MBNL3: variants seen among roughly 807,000 people sequenced by gnomAD.
MBNL3 encodes muscleblind like splicing regulator 3, also known as muscleblind-like protein 3.
MBNL3 carries 6 observed loss-of-function variants against 24.5 expected under a neutral mutation model. The ratio of observed to expected loss-of-function variants is 0.25; its 90% CI spans 0.13 to 0.48. The LOEUF (loss-of-function observed/expected upper bound fraction) is 0.48, where lower values mean the gene tolerates loss of function less well. Ranked by LOEUF, MBNL3 falls within the 20% of genes least tolerant of loss-of-function variation. The probability of loss-of-function intolerance (pLI) is 0.99; values close to 1 mark genes in which losing one functional copy is unlikely to be tolerated. For missense variants in MBNL3, 230 were observed against 293.5 expected, an observed-to-expected ratio of 0.78 and a Z score of 1.58; for synonymous variants, 100 against 101.7, an observed-to-expected ratio of 0.98 and a Z score of 0.10.
chrX:132,416,557 G>A (rs1219183005), intron 2 of MBNL3, among the ~76,000 whole-genome samples: 3 of 111,335 alleles, frequency 2.7e-5, no homozygotes, highest in Non-Finnish European at 5.7e-5. Flanking sequence ...ACAATTTATT[G>A]TATATTTTAA....
intron 2 of MBNL3, among the ~76,000 whole-genome samples, chrX:132,428,828 G>A (rs1338701964): frequency 2.7e-5 from 3 of 112,121 alleles, no homozygotes; most frequent in Non-Finnish European, 5.6e-5. Context: ...TCCACATTTC[G>A]AAAAAATCTG....
chrX:132,456,707 AAG>A (rs759868846), intron 1 of MBNL3, among the ~76,000 whole-genome samples: 37 of 111,713 alleles, frequency 3.3e-4, no homozygotes, highest in Admixed American at 1.2e-3. Flanking sequence ...CAGAAATCAT[AAG>A]AGTCATAAAC....
At chrX:132,384,883 T>A (rs1007991521) in intron 6 of MBNL3, among the ~76,000 whole-genome samples, 185 bp from the exon 7 acceptor site, 2 of 112,220 alleles carry the variant, frequency 1.8e-5, no homozygotes, top group African/African-American at 6.5e-5. Flanking sequence ...ACCCAGGTAA[T>A]CAAAATAATT....
chrX:132,459,090 C>T (rs1337322622), intron 1 of MBNL3, among the ~76,000 whole-genome samples: 2 of 100,957 alleles, frequency 2.0e-5, no homozygotes, highest in African/African-American at 7.3e-5. Context: ...TCTCCTAGTA[C>T]AGTACTTGGC....
At chrX:132,411,790 G>C (rs1289785388) in intron 2 of MBNL3, among the ~76,000 whole-genome samples, 1 of 111,596 alleles carries the variant, frequency 9.0e-6, no homozygotes, top group African/African-American at 3.3e-5. Context: ...CTTTGAGCCT[G>C]TATAACGGCA....
intron 8 of MBNL3, 70 bp from the exon 9 acceptor site, chrX:132,379,747 G>T: frequency 1.1e-6 from 1 of 896,972 alleles, no homozygotes; most frequent in South Asian, 2.3e-5. Flanking sequence ...GAAGAGTCAG[G>T]AGAGTGTGGT....
chrX:132,390,265 CAAAA>C (rs59093044), intron 5 of MBNL3, among the ~76,000 whole-genome samples: 21 of 31,614 alleles, frequency 6.6e-4, no homozygotes, highest in South Asian at 3.9e-3. Flanking sequence ...ACAACAACAA[CAAAA>C]AAAAAAAAAA....
chrX:132,395,005 C>G (rs1410376889), intron 3 of MBNL3, among the ~76,000 whole-genome samples: 1 of 111,968 alleles, frequency 8.9e-6, no homozygotes, highest in Non-Finnish European at 1.9e-5. Context: ...AGTATCCTAG[C>G]TCTTATAACT....
intron 1 of MBNL3, among the ~76,000 whole-genome samples, chrX:132,462,604 A>G (rs984300821): frequency 6.2e-5 from 7 of 112,052 alleles, no homozygotes; most frequent in Non-Finnish European, 1.3e-4. Context: ...AGAAAGACAC[A>G]GCCACATGTC....
intron 1 of MBNL3, among the ~76,000 whole-genome samples, chrX:132,455,533 C>G (rs1442230341): frequency 2.7e-5 from 3 of 111,728 alleles, no homozygotes; most frequent in Non-Finnish European, 3.8e-5. Context: ...ATTACTTCAA[C>G]CTTGAACAGA....
intron 1 of MBNL3, among the ~76,000 whole-genome samples, chrX:132,472,679 A>T (rs550647471): frequency 8.9e-6 from 1 of 112,110 alleles, no homozygotes; most frequent in African/African-American, 3.2e-5. Flanking sequence ...ATACAGACAC[A>T]TACCCCCCAA....
intron 1 of MBNL3, among the ~76,000 whole-genome samples, chrX:132,478,768 T>G (rs1012958066): frequency 8.9e-6 from 1 of 112,282 alleles, no homozygotes; most frequent in Non-Finnish European, 1.9e-5. Context: ...TGCCTACCAC[T>G]TGAAAATTAC....
intron 1 of MBNL3, among the ~76,000 whole-genome samples, chrX:132,469,732 A>G (rs1947077138): frequency 8.9e-6 from 1 of 112,085 alleles, no homozygotes; most frequent in Non-Finnish European, 1.9e-5. Flanking sequence ...CACATACCAT[A>G]AAATTCACCC....
intron 1 of MBNL3, among the ~76,000 whole-genome samples, chrX:132,450,642 C>A (rs765458025): frequency 8.9e-6 from 1 of 112,132 alleles, no homozygotes; most frequent in Non-Finnish European, 1.9e-5. Flanking sequence ...TTTGTTATTA[C>A]CCACCTTCTG....
At chrX:132,452,014 T>C (rs1196263583) in intron 1 of MBNL3, among the ~76,000 whole-genome samples, 1 of 110,956 alleles carries the variant, frequency 9.0e-6, no homozygotes, top group Admixed American at 9.5e-5. Flanking sequence ...GTCTAACCAG[T>C]CCCAGTGAGA....
intron 1 of MBNL3, among the ~76,000 whole-genome samples, chrX:132,480,910 T>C (rs1237969037): frequency 9.0e-6 from 1 of 111,599 alleles, no homozygotes; most frequent in Non-Finnish European, 1.9e-5. Flanking sequence ...GGGACCTTGA[T>C]TGTAAAAGCA....
At chrX:132,446,006 T>C (rs1945694770) in intron 1 of MBNL3, among the ~76,000 whole-genome samples, 1 of 111,379 alleles carries the variant, frequency 9.0e-6, no homozygotes, top group African/African-American at 3.3e-5. Context: ...CCATATGTTC[T>C]CATTGTTCAA....
rs760055991 is a variant in MBNL3 at position 132,386,917 on chromosome X, A to G, written c.772-106T>C. The G allele has an allele frequency of 1.3e-4, 120 of 914,010 alleles. No homozygotes were observed. In the African/African-American group the frequency reaches 1.9e-3, roughly 15 times the overall value. The allele number at this position is 914,010 out of a possible 1,213,427, so 75.3% of individuals were successfully genotyped here. ...TTTCCTGGGAATCCTCCGTAAGGGT[A>G]TGCATTGGGCAAGACACTGGATAAG... On this transcript the variant is annotated intron_variant, in intron 5 of 8. Transcript: ENST00000370853.
intron 1 of MBNL3, among the ~76,000 whole-genome samples, chrX:132,471,228 T>C (rs1315017331): frequency 8.9e-6 from 1 of 112,120 alleles, no homozygotes; most frequent in African/African-American, 3.2e-5. Flanking sequence ...TTCCCTTTTT[T>C]CTCCCTAGTG....
Sources: allele counts gnomAD v4.1 joint callset (sites outside exome capture counted in the v4.1 genomes callset), GRCh38; gene constraint gnomAD v4.1.1; transcripts MANE v1.5; gene names NCBI Gene and HGNC (gene_info 2026-07-23, HGNC 2026-07-21).